RARS2: variants seen among roughly 807,000 people sequenced by gnomAD.
RARS2 encodes probable arginine--tRNA ligase, mitochondrial.
Under a neutral mutation model 88.5 loss-of-function variants are expected in RARS2, and 67 were observed. The observed-to-expected ratio is 0.76, with a 90% CI of 0.62 to 0.93. The LOEUF is 0.93. Ranked by LOEUF, RARS2 falls within the 40% of genes least tolerant of loss-of-function variation. The pLI is 0.00. For missense variants in RARS2, 664 were observed against 684.2 expected (o/e 0.97, Z 0.33); for synonymous variants, 239 against 230.3 (o/e 1.04, Z -0.34).
chr6:87,583,246 CTTT>C (rs557518152), intron 1 of RARS2, among the ~76,000 whole-genome samples: 1 of 152,140 alleles, frequency 6.6e-6, no homozygotes, highest in Non-Finnish European at 1.5e-5. Flanking sequence ...ATTATCACAA[CTTT>C]TTATAAGTCT....
At chr6:87,564,645 G>T in intron 2 of RARS2, 1 of 281,588 alleles carries the variant, frequency 3.6e-6, no homozygotes, top group Non-Finnish European at 7.0e-6. Context: ...CTCCAGCCTG[G>T]GTGACAAGAG....
Position 87,541,917 on chromosome 6 carries a change from C to A in RARS2, c.612+1G>T. On this transcript the variant is annotated splice_donor_variant, in intron 8 of 19. Transcript: ENST00000369536. LOFTEE classifies it high-confidence loss of function. ...TTTGAAATGTTTTCTTGCCAACTTA[C>A]TTCAAAGAGATGCTGTAGAGGATTG... is the stretch of plus-strand genomic sequence containing the variant. The A allele has an allele frequency of 1.2e-6, 2 of 1,611,192 alleles. No homozygotes were observed. Among genetic ancestry groups the A allele is most frequent in the East Asian group, 2.2e-5 (1 of 44,832 alleles).
In RARS2 at chr6:87,564,172, T is replaced by C; in HGVS notation, c.171A>G (p.Ser57=). ...DSLLEKDNDH[S]RPDIQVQAKR... is the part of the protein sequence containing the mutation. ...TGGCTTGAACTTGAATATCTGGTCT[T>C]GAATGGTCATTGTCTTTTTCCAATA... Residue 57 remains serine (S), a synonymous_variant, in exon 3 of 20, where the codon TCA becomes TCG. Coordinates refer to ENST00000369536, the MANE Select transcript of RARS2 (RefSeq NM_020320.5). 6.2e-7 allele frequency: 1 copy of C among 1,613,810 alleles called. No individual in the cohort carries two copies. The highest frequency in any genetic ancestry group is 8.5e-7 in the Non-Finnish European group (1 of 1,179,718).
At chr6:87,533,049 T>C (rs1778030830) in intron 8 of RARS2, among the ~76,000 whole-genome samples, 1 of 152,180 alleles carries the variant, frequency 6.6e-6, no homozygotes, top group Non-Finnish European at 1.5e-5. Flanking sequence ...TGCACACAAG[T>C]TATAAGCAAA....
intron 8 of RARS2, 136 bp from the exon 9 acceptor site, chr6:87,531,078 C>G: frequency 1.4e-6 from 2 of 1,394,566 alleles, no homozygotes; most frequent in Non-Finnish European, 1.9e-6. Flanking sequence ...CAGAGTGTAA[C>G]TTTTTCTTTT....
chr6:87,516,215 T>C (rs967691873), intron 18 of RARS2, among the ~76,000 whole-genome samples: 1 of 152,232 alleles, frequency 6.6e-6, no homozygotes, highest in East Asian at 1.9e-4. Flanking sequence ...TTTGCTAAAA[T>C]AGACACCATG....
chr6:87,562,157 G>A (rs186675127), intron 4 of RARS2, among the ~76,000 whole-genome samples: 66 of 152,148 alleles, frequency 4.3e-4, no homozygotes, highest in African/African-American at 1.5e-3. Flanking sequence ...GTAGAGATAT[G>A]CTGCCAGGGC....
intron 7 of RARS2, among the ~76,000 whole-genome samples, chr6:87,543,078 G>C (rs532385024): frequency 7.7e-4 from 117 of 151,626 alleles, no homozygotes; most frequent in African/African-American, 2.8e-3. Flanking sequence ...AAGGTGGGTG[G>C]ATCACCTGAG....
At chr6:87,516,523 C>T (rs913197010) in intron 18 of RARS2, among the ~76,000 whole-genome samples, 1 of 152,198 alleles carries the variant, frequency 6.6e-6, no homozygotes, top group African/African-American at 2.4e-5. Context: ...CAAGGCTGGG[C>T]TGGTTGCCCT....
intron 5 of RARS2, among the ~76,000 whole-genome samples, chr6:87,553,986 G>A (rs1423023968): frequency 2.0e-5 from 3 of 152,076 alleles, no homozygotes; most frequent in African/African-American, 7.2e-5. Flanking sequence ...CATAAAACCC[G>A]CTCTTTCTCT....
chr6:87,560,400 TC>T (rs1787468200), intron 4 of RARS2, among the ~76,000 whole-genome samples: 2 of 152,214 alleles, frequency 1.3e-5, no homozygotes, highest in Admixed American at 6.5e-5. Context: ...CTTTCTTTTT[TC>T]CCTTTTAACA....
chr6:87,573,928 T>A (rs943285193), intron 1 of RARS2, among the ~76,000 whole-genome samples: 6 of 152,218 alleles, frequency 3.9e-5, no homozygotes, highest in Non-Finnish European at 8.8e-5. Flanking sequence ...TGGAGGAGAA[T>A]GGAACAGCCC....
Position 87,526,616 on chromosome 6 carries a change from C to T in RARS2, c.879-1964G>A, listed in dbSNP as rs999881205. ...CATCATACTAGACAAAAACATAGGA[C>T]CAATGGAATAGAATAGAGAGCCTAG... On this transcript the variant is annotated intron_variant, in intron 10 of 19. Transcript: ENST00000369536. Among the ~76,000 whole-genome samples, 65 of 149,088 alleles carry T rather than the reference C, an allele frequency of 4.4e-4. 1 individual carries two copies. The highest frequency in any genetic ancestry group is 1.5e-3 in the African/African-American group (59 of 40,198).
chr6:87,526,273 TG>T (rs1455462997), intron 10 of RARS2, among the ~76,000 whole-genome samples: 1 of 152,134 alleles, frequency 6.6e-6, no homozygotes, highest in African/African-American at 2.4e-5. Flanking sequence ...CCCAGCACTT[TG>T]GGGGGCCAAG....
At chr6:87,569,650 G>GAACA in intron 1 of RARS2, 60 bp from the exon 2 acceptor site, 1 of 1,286,310 alleles carries the variant, frequency 7.8e-7, no homozygotes. Context: ...CCATTCAATG[G>GAACA]AATACCACTT....
At chr6:87,554,250 G>A (rs1362499665) in intron 5 of RARS2, among the ~76,000 whole-genome samples, 1 of 152,084 alleles carries the variant, frequency 6.6e-6, no homozygotes, top group Admixed American at 6.6e-5. Flanking sequence ...TCTGTCGGCT[G>A]TACAATGAAA....
intron 4 of RARS2, among the ~76,000 whole-genome samples, chr6:87,556,954 A>T (rs1786141380): frequency 6.6e-6 from 1 of 152,018 alleles, no homozygotes; most frequent in Non-Finnish European, 1.5e-5. Flanking sequence ...GCCTGGCCCC[A>T]AAATGCATCT....
chr6:87,523,492 G>T (rs888571760), intron 11 of RARS2, among the ~76,000 whole-genome samples: 1 of 152,030 alleles, frequency 6.6e-6, no homozygotes, highest in South Asian at 2.1e-4. Context: ...TTCAATAAGT[G>T]GCAAAAAGAC....
At chr6:87,531,381 C>T (rs1240747587) in intron 8 of RARS2, among the ~76,000 whole-genome samples, 1 of 152,146 alleles carries the variant, frequency 6.6e-6, no homozygotes, top group African/African-American at 2.4e-5. Context: ...TATTATTATC[C>T]TGTAACTTCG....
Sources: allele counts gnomAD v4.1 joint callset (sites outside exome capture counted in the v4.1 genomes callset), GRCh38; gene constraint gnomAD v4.1.1; transcripts MANE v1.5; gene names NCBI Gene and HGNC (gene_info 2026-07-23, HGNC 2026-07-21).